Variants in SGCD observed in about 807,000 individuals in gnomAD.
SGCD encodes the protein sarcoglycan delta, also known as delta-sarcoglycan.
A neutral mutation model predicts 36.6 loss-of-function variants in SGCD; 18 were observed. That is an observed-to-expected ratio of 0.49 (90% CI 0.34 to 0.73). The LOEUF (loss-of-function observed/expected upper bound fraction) is 0.73, where lower values mean the gene tolerates loss of function less well. Ranked by LOEUF, SGCD falls within the 30% of genes least tolerant of loss-of-function variation. SGCD has a pLI of 0.01. For missense variants in SGCD, 387 were observed against 346.7 expected (o/e 1.12, Z -0.92); for synonymous variants, 133 against 130.6 (o/e 1.02, Z -0.12).
rs1274415049 is a variant in SGCD, at chr5:156,344,660, G to T, written c.175G>T (p.Val59Phe). Reference sequence around the variant, plus strand: ...GGCCATGACCATCTGGATTCTCAAAGTCATGAACTTCACAATTGTAAGTAA... The same window carrying T: ...GGCCATGACCATCTGGATTCTCAAATTCATGAACTTCACAATTGTAAGTAA... Reference protein sequence around the residue: ...NLAMTIWILKVMNFTIDGMGN... With the variant: ...NLAMTIWILKFMNFTIDGMGN... The change falls in exon 3 of 9, where the codon GTC becomes TTC. Residue 59 changes from valine to phenylalanine, a missense_variant. Physicochemically the swap from Val to Phe is conservative, Grantham distance 50 (BLOSUM62 -1). Coordinates refer to ENST00000337851, the MANE Select transcript of SGCD (RefSeq NM_000337.6). The T allele has an allele frequency of 2.5e-6, 4 of 1,603,198 alleles. No individual in the cohort carries two copies. The Admixed American group carries it at 6.8e-5, about 27-fold the overall frequency.
intron 4 of SGCD, among the ~76,000 whole-genome samples, chr5:156,552,389 G>A (rs1187774466): frequency 5.9e-5 from 9 of 152,192 alleles, no homozygotes; most frequent in Non-Finnish European, 1.3e-4. Context: ...GCCTGACCTA[G>A]GTACAACAGT....
chr5:156,058,727 A>AAT lies in SGCD; in HGVS notation c.-281-59151_-281-59150insAT, dbSNP rs1760127120. On this transcript the variant is annotated intron_variant, in intron 1 of 9. Coordinates refer to the SGCD transcript ENST00000517913. ...GTAGATGAAATAATGGTATTACATT[A>AAT]TGATTAATGAAAAGTATATTTGTTT... Among the ~76,000 whole-genome samples, 6 of 146,666 alleles carry AAT rather than the reference A, an allele frequency of 4.1e-5. 1 individual carries two copies. Among genetic ancestry groups the AAT allele is most frequent in the African/African-American group, 1.5e-4 (6 of 40,752 alleles).
At chr5:155,946,907 T>C (rs1043170328) in intron 1 of SGCD, among the ~76,000 whole-genome samples, 2 of 152,180 alleles carry the variant, frequency 1.3e-5, no homozygotes, top group Non-Finnish European at 2.9e-5. Flanking sequence ...TTGAACATTT[T>C]AAGGGCAGTC....
At chr5:156,191,572 G>C (rs536874309) in intron 3 of SGCD, among the ~76,000 whole-genome samples, 3 of 152,084 alleles carry the variant, frequency 2.0e-5, no homozygotes, top group Non-Finnish European at 4.4e-5. Context: ...TTTGTTGCTA[G>C]GGTTTCCTTC....
intron 3 of SGCD, among the ~76,000 whole-genome samples, chr5:156,490,126 C>T (rs1755870524): frequency 6.6e-6 from 1 of 151,920 alleles, no homozygotes; most frequent in African/African-American, 2.4e-5. Flanking sequence ...GGATAAATTA[C>T]TGGACACATA....
chr5:155,900,427 T>A (rs1362940096), intron 1 of SGCD, among the ~76,000 whole-genome samples: 4 of 151,010 alleles, frequency 2.6e-5, no homozygotes, highest in African/African-American at 7.3e-5. Flanking sequence ...AGCTTTTTTT[T>A]ATTATTATTA....
chr5:156,504,394 A>G lies in SGCD; in HGVS notation c.193-4207A>G, dbSNP rs199960307. ...TGAGTATATGTGGGTGTGTGTGTGTATATATATATATATATATATATATAT... is the reference window on the plus strand; with the variant it reads ...TGAGTATATGTGGGTGTGTGTGTGTGTATATATATATATATATATATATAT... On this transcript the variant is annotated intron_variant, in intron 3 of 8. Transcript: ENST00000337851. Among the ~76,000 whole-genome samples, 221 of 12,054 alleles carry G rather than the reference A, an allele frequency of 0.018. 1 individual carries two copies. The East Asian group carries it at 0.2, about 11-fold the overall frequency. 7.9% of individuals were successfully genotyped at this position (12,054 alleles called of 152,430 possible). A position where few individuals can be genotyped will look rare whatever the true frequency, so the allele number is the denominator to read the frequency against.
chr5:156,403,487 C>T lies in SGCD; in HGVS notation c.192+58810C>T, dbSNP rs868542332. Among the ~76,000 whole-genome samples the T allele has an allele frequency of 3.3e-5, 5 of 152,118 alleles. No homozygotes were observed. In the East Asian group the frequency reaches 5.8e-4, roughly 18 times the overall value. ...CAATTCCTCATGTTTTCTGACTCGC[C>T]GAGATGATTGTAATGACTTCCCTTT... is the stretch of plus-strand genomic sequence containing the variant. On this transcript the variant is annotated intron_variant, in intron 3 of 8. Coordinates refer to ENST00000337851, the MANE Select transcript of SGCD (RefSeq NM_000337.6).
intron 1 of SGCD, among the ~76,000 whole-genome samples, chr5:155,940,245 G>A (rs1757295029): frequency 6.6e-6 from 1 of 152,132 alleles, no homozygotes; most frequent in African/African-American, 2.4e-5. Flanking sequence ...TACAGATCCA[G>A]GTTTTTCTCC....
In SGCD at chr5:156,558,088, AATATATATATAT is replaced by A. The variant is rs67339181; in HGVS notation, c.295-31118_295-31107del. Among the ~76,000 whole-genome samples, 456 of 95,574 alleles carry A rather than the reference AATATATATATAT, an allele frequency of 4.8e-3. 8 individuals are homozygous for A. Among genetic ancestry groups the A allele is most frequent in the Non-Finnish European group, 6.8e-3 (316 of 46,182 alleles). 62.7% of individuals were successfully genotyped at this position (95,574 alleles called of 152,430 possible). ...ACTGAGTGTGTTATTAGTAAATACA[AATATATATATAT>A]ATATATATATATATATATATATATT... On this transcript the variant is annotated intron_variant, in intron 4 of 8. Coordinates refer to ENST00000337851, the MANE Select transcript of SGCD (RefSeq NM_000337.6).
At chr5:156,568,795 C>A (rs1759599826) in intron 4 of SGCD, among the ~76,000 whole-genome samples, 1 of 152,224 alleles carries the variant, frequency 6.6e-6, no homozygotes, top group African/African-American at 2.4e-5. Context: ...AAGGGAAATG[C>A]ATTAATGAAC....
intron 3 of SGCD, among the ~76,000 whole-genome samples, chr5:156,478,417 T>C (rs902567755): frequency 6.6e-6 from 1 of 152,286 alleles, no homozygotes; most frequent in South Asian, 2.1e-4. Context: ...CACGCATCTT[T>C]GTGAGACCTC....
chr5:156,757,837 A>G, intron 8 of SGCD, 133 bp downstream of exon 8: 1 of 1,354,048 alleles, frequency 7.4e-7, no homozygotes, highest in Non-Finnish European at 9.5e-7. Flanking sequence ...TATTTCTGAA[A>G]CAATTAATTG....
At chr5:156,334,344 G>GA (rs34919043) in intron 2 of SGCD, among the ~76,000 whole-genome samples, 2 of 152,182 alleles carry the variant, frequency 1.3e-5, no homozygotes, top group Admixed American at 6.5e-5. Context: ...CTTTGCATGT[G>GA]AAAATGACAC....
At chr5:156,276,851 T>C (rs1364694310) in intron 3 of SGCD, among the ~76,000 whole-genome samples, 1 of 152,178 alleles carries the variant, frequency 6.6e-6, no homozygotes, top group Non-Finnish European at 1.5e-5. Flanking sequence ...AAAGCATAAA[T>C]GTACCAATAT....
At chr5:156,677,902 G>A (rs888055604) in intron 7 of SGCD, among the ~76,000 whole-genome samples, 2 of 152,164 alleles carry the variant, frequency 1.3e-5, no homozygotes, top group African/African-American at 4.8e-5. Flanking sequence ...GCCAGAAAGA[G>A]TGAAACACCT....
chr5:156,162,120 G>A (rs958638404), intron 3 of SGCD, among the ~76,000 whole-genome samples: 1 of 151,070 alleles, frequency 6.6e-6, no homozygotes, highest in Admixed American at 6.6e-5. Context: ...GGTGGGGGTG[G>A]GGGTGGAGTG....
chr5:155,755,183 T>C, the SGCD span, among the ~76,000 whole-genome samples: 1 of 152,248 alleles, frequency 6.6e-6, no homozygotes, highest in Non-Finnish European at 1.5e-5. Flanking sequence ...TATTATTAAC[T>C]TTAATTTACT....
At chr5:155,876,975 T>A (rs1322021338) in intron 1 of SGCD, among the ~76,000 whole-genome samples, 1 of 152,104 alleles carries the variant, frequency 6.6e-6, no homozygotes, top group African/African-American at 2.4e-5. Context: ...GCCCACTATA[T>A]CCTCAGCATT....
Sources: gnomAD v4.1 joint callset for allele counts (sites outside exome capture counted in the v4.1 genomes callset) on GRCh38, gnomAD v4.1.1 for gene constraint, MANE v1.5 for transcripts, NCBI Gene and HGNC (gene_info 2026-07-23, HGNC 2026-07-21) for gene names.